AGO3: variants seen among roughly 807,000 people sequenced by gnomAD.
AGO3 encodes argonaute RISC catalytic component 3.
In AGO3, 16 loss-of-function variants were observed where a neutral mutation model predicts 105.5. That is an observed-to-expected ratio of 0.15 (90% CI 0.10 to 0.23). The LOEUF is 0.23. Among genes scored for constraint, AGO3 ranks in the 10% least tolerant of loss-of-function variants. AGO3 has a pLI of 1.00. For missense variants in AGO3, 534 were observed against 1,088.0 expected (o/e 0.49, Z 7.16); for synonymous variants, 340 against 367.3 (o/e 0.93, Z 0.85).
chr1:35,993,983 A>C (rs1647998095), intron 5 of AGO3, among the ~76,000 whole-genome samples: 1 of 146,456 alleles, frequency 6.8e-6, no homozygotes, highest in African/African-American at 2.5e-5. Flanking sequence ...TGACCTTATG[A>C]TCTGCCCACC....
At chr1:36,026,971 C>T in intron 11 of AGO3, 143 bp from the exon 12 acceptor site, 1 of 892,292 alleles carries the variant, frequency 1.1e-6, no homozygotes, top group Non-Finnish European at 1.7e-6. Flanking sequence ...TTACGCTTAA[C>T]ATCAGTAGTC....
intron 11 of AGO3, among the ~76,000 whole-genome samples, chr1:36,023,022 CCTT>C (rs760794019): frequency 1.3e-5 from 2 of 151,996 alleles, no homozygotes; most frequent in Non-Finnish European, 2.9e-5. Context: ...AAAGTTCACA[CCTT>C]CTTATTTGCC....
intron 2 of AGO3, among the ~76,000 whole-genome samples, chr1:35,957,849 G>A (rs900793872): frequency 3.3e-5 from 5 of 149,866 alleles, no homozygotes; most frequent in Non-Finnish European, 5.9e-5. Context: ...GAGGAGTGCT[G>A]GAGGCCAGAA....
chr1:36,045,342 C>G (rs1003294190), intron 17 of AGO3, among the ~76,000 whole-genome samples: 4 of 152,052 alleles, frequency 2.6e-5, no homozygotes, highest in Non-Finnish European at 4.4e-5. Flanking sequence ...CTGCCTCAGC[C>G]TCCCAAGTAG....
At chr1:35,964,319 C>G (rs185176724) in intron 2 of AGO3, among the ~76,000 whole-genome samples, 1 of 152,094 alleles carries the variant, frequency 6.6e-6, no homozygotes, top group African/African-American at 2.4e-5. Context: ...TAGTTCTCCT[C>G]TATGGGTCCA....
At chr1:36,041,235 CTTTTT>C (rs958423621) in intron 16 of AGO3, among the ~76,000 whole-genome samples, 3 of 86,420 alleles carry the variant, frequency 3.5e-5, no homozygotes, top group Non-Finnish European at 6.4e-5. Context: ...AATATGTTTT[CTTTTT>C]TTTTTTTTTT....
chr1:35,956,278 G>C, intron 2 of AGO3, among the ~76,000 whole-genome samples: 1 of 152,140 alleles, frequency 6.6e-6, no homozygotes, highest in East Asian at 1.9e-4. Context: ...ATTAGTAATG[G>C]TTTTAACAGA....
At chr1:36,002,830 C>T (rs997293264) in intron 5 of AGO3, among the ~76,000 whole-genome samples, 15 of 151,940 alleles carry the variant, frequency 9.9e-5, no homozygotes, top group African/African-American at 2.7e-4. Context: ...GTGATCCTCC[C>T]GCCTCGGCCT....
At chr1:35,975,092 G>A (rs974718788) in intron 5 of AGO3, among the ~76,000 whole-genome samples, 1 of 152,078 alleles carries the variant, frequency 6.6e-6, no homozygotes, top group African/African-American at 2.4e-5. Context: ...ATTAAGATAA[G>A]TCTGTAAGAT....
At chr1:36,047,155 A>T in intron 17 of AGO3, among the ~76,000 whole-genome samples, 1 of 152,074 alleles carries the variant, frequency 6.6e-6, no homozygotes, top group East Asian at 1.9e-4. Flanking sequence ...AGGCAGGAGA[A>T]TTGCTTGAAC....
At chr1:36,023,314 AGT>A (rs1348282879) in intron 11 of AGO3, among the ~76,000 whole-genome samples, 1 of 152,244 alleles carries the variant, frequency 6.6e-6, no homozygotes, top group African/African-American at 2.4e-5. Flanking sequence ...TTCGTCACTC[AGT>A]GCTTCTGGGG....
intron 16 of AGO3, among the ~76,000 whole-genome samples, chr1:36,041,475 T>C (rs558814436): frequency 6.6e-6 from 1 of 152,186 alleles, no homozygotes; most frequent in East Asian, 1.9e-4. Flanking sequence ...TCTCCTCACT[T>C]TGTGATCCGC....
rs776331832 is a variant in AGO3, at chr1:36,058,769, C to T, written c.*3024C>T. 15 of 152,066 alleles carry T rather than the reference C, an allele frequency of 9.9e-5. No homozygotes were observed. The highest frequency in any genetic ancestry group is 1.5e-4 in the Non-Finnish European group (10 of 68,018). 9.4% of individuals were successfully genotyped at this position (152,066 alleles called of 1,614,324 possible). On this transcript the variant is annotated 3_prime_UTR_variant, in exon 19 of 19. Transcript: ENST00000373191. ...ACTTTACAAAAGGTAATATTTGTAT[C>T]GTATATACATTTTTTCTCCCAGCCT...
In AGO3 at chr1:36,065,638, C is replaced by T. The variant is rs1321266205; in HGVS notation, c.*9893C>T. On this transcript the variant is annotated 3_prime_UTR_variant, in exon 19 of 19. Transcript: ENST00000373191. ...AACATACAAACAAAAAAAGGTGCCTCTGGTCCTGTGTTTTCTTTTTCCTTC... is the reference window on the plus strand; with the variant it reads ...AACATACAAACAAAAAAAGGTGCCTTTGGTCCTGTGTTTTCTTTTTCCTTC... The T allele has an allele frequency of 6.6e-6, 1 of 152,062 alleles. No individual in the cohort carries two copies. The highest frequency in any genetic ancestry group is 1.5e-5 in the Non-Finnish European group (1 of 68,088). 9.4% of individuals were successfully genotyped at this position (152,062 alleles called of 1,614,324 possible). A position where few individuals can be genotyped will look rare whatever the true frequency, so the allele number is the denominator to read the frequency against.
intron 2 of AGO3, among the ~76,000 whole-genome samples, chr1:35,950,363 G>T (rs933089127): frequency 1.3e-5 from 2 of 152,148 alleles, no homozygotes; most frequent in African/African-American, 4.8e-5. Context: ...TGGCACTAAG[G>T]CATTAATCAT....
Position 36,068,170 on chromosome 1 carries a change from A to G in AGO3, c.*12425A>G, listed in dbSNP as rs1643118735. ...AAAAGAGGGGAAGGATAAAACAAAA[A>G]TAGATAGAATGATGATTATTACAAT... On this transcript the variant is annotated 3_prime_UTR_variant, in exon 19 of 19. Transcript: ENST00000373191. The G allele has an allele frequency of 6.6e-6, 1 of 152,184 alleles. No individual in the cohort carries two copies. Among genetic ancestry groups the G allele is most frequent in the African/African-American group, 2.4e-5 (1 of 41,436 alleles). 9.4% of individuals were successfully genotyped at this position (152,184 alleles called of 1,614,324 possible). A position where few individuals can be genotyped will look rare whatever the true frequency, so the allele number is the denominator to read the frequency against.
chr1:35,954,332 A>T (rs1646526516), intron 2 of AGO3, among the ~76,000 whole-genome samples: 1 of 152,172 alleles, frequency 6.6e-6, no homozygotes, highest in African/African-American at 2.4e-5. Context: ...AAACTTGAAG[A>T]TACTTTCATA....
chr1:36,042,977 G>C (rs898616010), intron 16 of AGO3, among the ~76,000 whole-genome samples: 1 of 152,302 alleles, frequency 6.6e-6, no homozygotes, highest in Non-Finnish European at 1.5e-5. Context: ...TAGAAATAAT[G>C]TGTTCAAAGT....
At chr1:35,938,702 A>C (rs1325443479) in intron 1 of AGO3, among the ~76,000 whole-genome samples, 2 of 152,208 alleles carry the variant, frequency 1.3e-5, no homozygotes, top group African/African-American at 4.8e-5. Context: ...ATACTGGTCC[A>C]GTGCTTGCTT....
Sources: gnomAD v4.1 joint callset for allele counts (sites outside exome capture counted in the v4.1 genomes callset) on GRCh38, gnomAD v4.1.1 for gene constraint, MANE v1.5 for transcripts, NCBI Gene and HGNC (gene_info 2026-07-23, HGNC 2026-07-21) for gene names.